The following LAMB1 variants were observed in gnomAD, a reference collection of about 807,000 sequenced individuals.
LAMB1 encodes the protein laminin subunit beta 1.
Under a neutral mutation model 222.3 loss-of-function variants are expected in LAMB1, and 121 were observed. The observed-to-expected ratio is 0.54, with a 90% confidence interval of 0.47 to 0.63. The LOEUF (loss-of-function observed/expected upper bound fraction) is 0.63, where lower values mean the gene tolerates loss of function less well. Ranked by LOEUF, LAMB1 falls within the 30% of genes least tolerant of loss-of-function variation. LAMB1 has a pLI of 0.00. For missense variants in LAMB1, 2,172 were observed against 2,240.8 expected, an observed-to-expected ratio of 0.97 and a Z score of 0.62; for synonymous variants, 794 against 807.2, an observed-to-expected ratio of 0.98 and a Z score of 0.28.
chr7:107,992,073 T>G (rs1238290260), intron 5 of LAMB1, among the ~76,000 whole-genome samples: 1 of 152,090 alleles, frequency 6.6e-6, no homozygotes, highest in Non-Finnish European at 1.5e-5. Context: ...TCGAGGCAAA[T>G]CTACATAGCA....
intron 10 of LAMB1, 53 bp downstream of exon 10, chr7:107,975,636 T>C (rs1261691920): frequency 2.0e-6 from 3 of 1,523,906 alleles, no homozygotes; most frequent in African/African-American, 2.7e-5. Context: ...CTATTCAGTT[T>C]GGAAGGCAAT....
At chr7:107,975,445 C>G in intron 10 of LAMB1, 32 bp from the exon 11 acceptor site, 3 of 1,564,418 alleles carry the variant, frequency 1.9e-6, no homozygotes, top group Non-Finnish European at 2.6e-6. Flanking sequence ...AGGTTAAAAT[C>G]AGGAGGAAAC....
intron 21 of LAMB1, among the ~76,000 whole-genome samples, chr7:107,954,366 C>T (rs1332462184): frequency 1.4e-5 from 2 of 145,756 alleles, no homozygotes; most frequent in African/African-American, 2.6e-5. Flanking sequence ...GATGGTGTCT[C>T]GCCATCTTGC....
intron 5 of LAMB1, among the ~76,000 whole-genome samples, chr7:107,990,338 C>G (rs2034159272): frequency 6.6e-6 from 1 of 152,142 alleles, no homozygotes; most frequent in Admixed American, 6.5e-5. Flanking sequence ...CTATGCCTGG[C>G]CAAGAGTTAT....
chr7:107,969,304 A>AC (rs903396821), intron 13 of LAMB1, among the ~76,000 whole-genome samples: 2 of 152,116 alleles, frequency 1.3e-5, no homozygotes, highest in African/African-American at 4.8e-5. Context: ...AAAAAAAAAA[A>AC]ATCATAAATA....
chr7:107,956,504 C>T (rs936363136), intron 20 of LAMB1, among the ~76,000 whole-genome samples: 1 of 152,208 alleles, frequency 6.6e-6, no homozygotes, highest in Non-Finnish European at 1.5e-5. Flanking sequence ...ACTCACTGCT[C>T]CCCAGAGGAA....
chr7:107,967,416 G>C (rs145125645), intron 13 of LAMB1, among the ~76,000 whole-genome samples: 1 of 152,030 alleles, frequency 6.6e-6, no homozygotes, highest in African/African-American at 2.4e-5. Flanking sequence ...TGTCTACCAC[G>C]GGCCAACCGA....
chr7:107,987,242 G>C (rs1238191818), intron 5 of LAMB1, among the ~76,000 whole-genome samples: 3 of 152,172 alleles, frequency 2.0e-5, no homozygotes, highest in Non-Finnish European at 4.4e-5. Flanking sequence ...GAAATACCTA[G>C]AATTGGTTAA....
chr7:107,977,597 G>A (rs2033893154), intron 9 of LAMB1, among the ~76,000 whole-genome samples: 1 of 151,994 alleles, frequency 6.6e-6, no homozygotes, highest in South Asian at 2.1e-4. Flanking sequence ...AGACCAGCCT[G>A]ACTAACACGA....
chr7:107,983,716 C>T (rs2034018368), intron 7 of LAMB1, among the ~76,000 whole-genome samples: 1 of 151,990 alleles, frequency 6.6e-6, no homozygotes, highest in Non-Finnish European at 1.5e-5. Context: ...CGGGGTTTCA[C>T]CATGTTGGTC....
intron 24 of LAMB1, among the ~76,000 whole-genome samples, chr7:107,943,953 G>A (rs1007220410): frequency 2.0e-5 from 3 of 152,194 alleles, no homozygotes; most frequent in African/African-American, 7.2e-5. Flanking sequence ...ACGTAACAGA[G>A]GAAGAAGTGA....
rs2032625771 is a variant in LAMB1 at position 107,928,627 on chromosome 7, G to C, written c.4887+437C>G. Among the ~76,000 whole-genome samples, 3 of 151,974 alleles carry C rather than the reference G, an allele frequency of 2.0e-5. 1 individual carries two copies. Among genetic ancestry groups the C allele is most frequent in the Non-Finnish European group, 4.4e-5 (3 of 67,968 alleles). On this transcript the variant is annotated intron_variant, in intron 31 of 33. Coordinates refer to ENST00000222399, the MANE Select transcript of LAMB1 (RefSeq NM_002291.3). Reference sequence around the variant, plus strand: ...CCTGCCTTAGCCTCCCAGGTAGCTGGGACTACAGGCACACACCACTATGCC... The same window carrying C: ...CCTGCCTTAGCCTCCCAGGTAGCTGCGACTACAGGCACACACCACTATGCC...
intron 32 of LAMB1, among the ~76,000 whole-genome samples, 180 bp from the exon 33 acceptor site, chr7:107,924,569 T>C (rs1335334643): frequency 6.6e-6 from 1 of 152,236 alleles, no homozygotes; most frequent in Non-Finnish European, 1.5e-5. Flanking sequence ...GACATGATTT[T>C]AAAGAACATT....
chr7:107,986,292 G>T lies in LAMB1; in HGVS notation c.495C>A (p.Tyr165Ter). Reference protein sequence around the residue: ...DFGKTWGVYRYFAYDCEASFP... With the variant: ...DFGKTWGVYR ...ACGAGGCCTCACAGTCATAGGCGAA[G>T]TATCTATACACACCCCAGGTTTTCC... Residue 165 changes from tyrosine to a stop codon, truncating the protein, a stop_gained, in exon 6 of 34, where the codon TAC (tyrosine) becomes TAA (stop). Coordinates refer to ENST00000222399, the MANE Select transcript of LAMB1 (RefSeq NM_002291.3). LOFTEE classifies it high-confidence loss of function. The T allele has an allele frequency of 6.2e-7, 1 of 1,614,116 alleles. No homozygotes were observed. Among genetic ancestry groups the T allele is most frequent in the East Asian group, 2.2e-5 (1 of 44,872 alleles).
intron 20 of LAMB1, among the ~76,000 whole-genome samples, chr7:107,956,098 T>C (rs951582526): frequency 3.3e-5 from 5 of 152,220 alleles, no homozygotes; most frequent in Non-Finnish European, 7.3e-5. Flanking sequence ...GGTTTCACCA[T>C]GTTGGCCAGG....
intron 5 of LAMB1, among the ~76,000 whole-genome samples, chr7:107,991,165 T>C (rs1216970281): frequency 1.3e-5 from 2 of 152,322 alleles, no homozygotes; most frequent in East Asian, 3.9e-4. Context: ...TAGCAGCAGT[T>C]ATTAACTGCA....
intron 20 of LAMB1, among the ~76,000 whole-genome samples, chr7:107,958,136 G>A (rs555288949): frequency 1.1e-4 from 16 of 151,764 alleles, no homozygotes; most frequent in African/African-American, 3.1e-4. Context: ...TCTTTCTCTC[G>A]TACTTATTCT....
chr7:107,958,123 A>T (rs926605233), intron 20 of LAMB1, among the ~76,000 whole-genome samples: 1 of 152,064 alleles, frequency 6.6e-6, no homozygotes, highest in Non-Finnish European at 1.5e-5. Context: ...CTGTTTTCTC[A>T]TATCTTTCTC....
At chr7:107,966,265 CA>C (rs2033634503) in intron 13 of LAMB1, among the ~76,000 whole-genome samples, 1 of 151,926 alleles carries the variant, frequency 6.6e-6, no homozygotes, top group Non-Finnish European at 1.5e-5. Context: ...CGCTGGAGTA[CA>C]GTGGAACGAT....
Sources: allele counts gnomAD v4.1 joint callset (sites outside exome capture counted in the v4.1 genomes callset), GRCh38; gene constraint gnomAD v4.1.1; transcripts MANE v1.5; gene names NCBI Gene and HGNC (gene_info 2026-07-23, HGNC 2026-07-21).